Variants in GPRIN2 observed in about 807,000 individuals in gnomAD.
GPRIN2 encodes the protein G protein-regulated inducer of neurite outgrowth 2.
Under a neutral mutation model 0.3 loss-of-function variants are expected in GPRIN2, and 1 was observed. That is an observed-to-expected ratio of 3.90 (90% CI 1.39 to 18.51). The LOEUF is 18.51. Among genes scored for constraint, GPRIN2 ranks in the 30% most tolerant of loss-of-function variants. The pLI is 0.11. For synonymous variants in GPRIN2, 361 were observed against 258.6 expected (o/e 1.40, Z -3.80); for missense variants, 880 against 604.2 (o/e 1.46, Z -4.79).
Position 46,547,687 on chromosome 10 carries a change from A to C in GPRIN2, c.*1673T>G, listed in dbSNP as rs1842291095. Among the ~76,000 whole-genome samples the C allele has an allele frequency of 6.6e-6, 1 of 152,310 alleles. No homozygotes were observed. The highest frequency in any genetic ancestry group is 2.4e-5 in the African/African-American group (1 of 41,488). Reference sequence around the variant, plus strand: ...GGCCCTAACAGGCTGGGGTTCCTGGAGACTCCATGGGGAGCCAGGCATGAA... The same window carrying C: ...GGCCCTAACAGGCTGGGGTTCCTGGCGACTCCATGGGGAGCCAGGCATGAA... On this transcript the variant is annotated 3_prime_UTR_variant, in exon 3 of 3. Transcript: ENST00000374314.
rs1841864918 is a variant in GPRIN2 at position 46,542,894 on chromosome 10, G to C, written c.*6466C>G. On this transcript the variant is annotated 3_prime_UTR_variant, in exon 3 of 3. Coordinates refer to ENST00000374314, the MANE Select transcript of GPRIN2 (RefSeq NM_001385282.1). ...TGAGGAGATGGCCTGCCTAAAGCCA[G>C]CAGATGGGTGCCACCCACCTGATGT... 6.6e-6 allele frequency among the ~76,000 whole-genome samples: 1 copy of C among 152,308 alleles called. No individual in the cohort carries two copies. The highest frequency in any genetic ancestry group is 2.4e-5 in the African/African-American group (1 of 41,488).
rs1490973162 is a variant in GPRIN2 at position 46,550,302 on chromosome 10, G to A, written c.435C>T (p.Ala145=). ...GARKASLSCS[A]LGSSPVHRAQ... Reference sequence around the variant, plus strand: ...CCCTGTGGACAGGGCTGCTGCCAAGGGCTGAGCAGCTGAGACTGGCCTTCC... The same window carrying A: ...CCCTGTGGACAGGGCTGCTGCCAAGAGCTGAGCAGCTGAGACTGGCCTTCC... Residue 145 remains alanine, a synonymous_variant, in exon 3 of 3, where the codon GCC becomes GCT. Coordinates refer to ENST00000374314, the MANE Select transcript of GPRIN2 (RefSeq NM_001385282.1). 1.9e-6 allele frequency: 3 copies of A among 1,613,076 alleles called. No individual in the cohort carries two copies. Among genetic ancestry groups the A allele is most frequent in the Non-Finnish European group, 2.5e-6 (3 of 1,179,928 alleles).
At position 46,542,938 on chromosome 10, in the gene GPRIN2, C is replaced by A. The variant is rs1168748554; in HGVS notation, c.*6422G>T. ...CTGATGTACCTCTCTAGCAGCCTAGCCAGCCAGCCACCAACAAGGGCCACC... is the reference window on the plus strand; with the variant it reads ...CTGATGTACCTCTCTAGCAGCCTAGACAGCCAGCCACCAACAAGGGCCACC... On this transcript the variant is annotated 3_prime_UTR_variant, in exon 3 of 3. Coordinates refer to ENST00000374314, the MANE Select transcript of GPRIN2 (RefSeq NM_001385282.1). Among the ~76,000 whole-genome samples, 3 of 152,296 alleles carry A rather than the reference C, an allele frequency of 2.0e-5. No individual in the cohort carries two copies. Among genetic ancestry groups the A allele is most frequent in the Non-Finnish European group, 4.4e-5 (3 of 68,050 alleles).
rs1841878673 is a variant in GPRIN2, at chr10:46,543,099, C to T, written c.*6261G>A. On this transcript the variant is annotated 3_prime_UTR_variant, in exon 3 of 3. Transcript: ENST00000374314. The stretch of plus-strand genomic sequence containing the variant: ...GGCACAGCAACCCCAGGGAGACCTC[C>T]CTCTGTAAGGAGATGCTCAGATGTT... Among the ~76,000 whole-genome samples the T allele has an allele frequency of 6.6e-6, 1 of 152,312 alleles. No individual in the cohort carries two copies. Among genetic ancestry groups the T allele is most frequent in the African/African-American group, 2.4e-5 (1 of 41,488 alleles).
At position 46,542,537 on chromosome 10, in the gene GPRIN2, CG is replaced by C. The variant is rs1277116532; in HGVS notation, c.*6822del. Among the ~76,000 whole-genome samples the C allele has an allele frequency of 6.6e-6, 1 of 152,306 alleles. No homozygotes were observed. Among genetic ancestry groups the C allele is most frequent in the Non-Finnish European group, 1.5e-5 (1 of 68,054 alleles). On this transcript the variant is annotated 3_prime_UTR_variant, in exon 3 of 3. Transcript: ENST00000374314. ...TGAAGAAGGTGCCTTGCTTCTCCTTCGCTGTCTGCCATGATTGTAAGTTTCC... is the reference window on the plus strand; with the variant it reads ...TGAAGAAGGTGCCTTGCTTCTCCTTCCTGTCTGCCATGATTGTAAGTTTCC...
chr10:46,549,654 A>C lies in GPRIN2; in HGVS notation c.1083T>G (p.His361Gln). 6.2e-7 allele frequency: 1 copy of C among 1,614,244 alleles called. No homozygotes were observed. The highest frequency in any genetic ancestry group is 8.5e-7 in the Non-Finnish European group (1 of 1,180,018). The change falls in exon 3 of 3, where the codon CAT (histidine) becomes CAG (glutamine). Residue 361 changes from histidine to glutamine, a missense_variant. His to Gln is a conservative substitution (Grantham distance 24). Coordinates refer to ENST00000374314, the MANE Select transcript of GPRIN2 (RefSeq NM_001385282.1). The stretch of plus-strand genomic sequence containing the variant: ...ACCCCAGAGTTACCTCTGGGAACAC[A>C]TGCAGGGCTGCAGGCGCTTCCAGGG... Reference protein sequence around the residue: ...SPSLEAPAALHVFPEVTLGSS... With the variant: ...SPSLEAPAALQVFPEVTLGSS...
Position 46,549,164 on chromosome 10 carries a change from G to T in GPRIN2, c.*196C>A. Reference sequence around the variant, plus strand: ...CAGAGATGTGGCCCTTGGAAATCAAGCCCTTAAGAAAACAGCCCAGCTGTG... The same window carrying T: ...CAGAGATGTGGCCCTTGGAAATCAATCCCTTAAGAAAACAGCCCAGCTGTG... On this transcript the variant is annotated 3_prime_UTR_variant, in exon 3 of 3. Coordinates refer to ENST00000374314, the MANE Select transcript of GPRIN2 (RefSeq NM_001385282.1). 3.1e-6 allele frequency: 2 copies of T among 655,018 alleles called. No individual in the cohort carries two copies. The highest frequency in any genetic ancestry group is 4.8e-6 in the Non-Finnish European group (2 of 416,158). The allele number at this position is 655,018 out of a possible 1,614,324, so 40.6% of individuals were successfully genotyped here. A position where few individuals can be genotyped will look rare whatever the true frequency, so the allele number is the denominator to read the frequency against.
intron 2 of GPRIN2, among the ~76,000 whole-genome samples, chr10:46,552,758 T>C (rs1832098386): frequency 6.6e-5 from 10 of 152,426 alleles, no homozygotes; most frequent in African/African-American, 2.2e-4. Context: ...ACTGGCCACA[T>C]GAGGCTAATG....
rs1200648452 is a variant in GPRIN2, at chr10:46,547,341, A to G, written c.*2019T>C. Among the ~76,000 whole-genome samples the G allele has an allele frequency of 3.9e-5, 6 of 152,310 alleles. No individual in the cohort carries two copies. The highest frequency in any genetic ancestry group is 1.4e-4 in the African/African-American group (6 of 41,488). ...GCCAAATGGATATTTCTAAACTGAA[A>G]TCTGGTCCCACCTCAGAACCCCTTC... On this transcript the variant is annotated 3_prime_UTR_variant, in exon 3 of 3. Coordinates refer to ENST00000374314, the MANE Select transcript of GPRIN2 (RefSeq NM_001385282.1).
At position 46,547,635 on chromosome 10, in the gene GPRIN2, C is replaced by A. The variant is rs1241693868; in HGVS notation, c.*1725G>T. On this transcript the variant is annotated 3_prime_UTR_variant, in exon 3 of 3. Coordinates refer to ENST00000374314, the MANE Select transcript of GPRIN2 (RefSeq NM_001385282.1). ...TGTGTGAAAGGTCCCTCCCCATGCA[C>A]CCACAGCCATTTGTTCTCTCTCATG... is the stretch of plus-strand genomic sequence containing the variant. Among the ~76,000 whole-genome samples the A allele has an allele frequency of 7.2e-5, 11 of 152,424 alleles. No homozygotes were observed. The highest frequency in any genetic ancestry group is 2.4e-4 in the African/African-American group (10 of 41,608).
rs1177282134 is a variant in GPRIN2, at chr10:46,547,079, GC to G, written c.*2280del. On this transcript the variant is annotated 3_prime_UTR_variant, in exon 3 of 3. Transcript: ENST00000374314. ...TCCCAGCCAAACCCTGTGGCAGGTG[GC>G]CCTTTCTGCACCTGCTGAACATGCC... 2.6e-5 allele frequency among the ~76,000 whole-genome samples: 4 copies of G among 152,424 alleles called. No individual in the cohort carries two copies. Among genetic ancestry groups the G allele is most frequent in the Admixed American group, 6.5e-5 (1 of 15,314 alleles).
chr10:46,551,033 T>C (rs1842542980), intron 2 of GPRIN2, among the ~76,000 whole-genome samples: 1 of 152,306 alleles, frequency 6.6e-6, no homozygotes, highest in South Asian at 2.1e-4. Context: ...CTCTATCAGC[T>C]CTCAACTCTT....
chr10:46,549,562 TC>T lies in GPRIN2; in HGVS notation c.1174del (p.Glu392ArgfsTer80). On this transcript the variant is annotated frameshift_variant, in exon 3 of 3. Transcript: ENST00000374314. LOFTEE classifies it high-confidence loss of function. ...CAGGTCCACCGCAGCTCCGTACACCTCCCATGTCATGCCCTCAGCATCCCAT... is the reference window on the plus strand; with the variant it reads ...CAGGTCCACCGCAGCTCCGTACACCTCCATGTCATGCCCTCAGCATCCCAT... ...VRWDAEGMTW[E>X]VYGAAVDLEV... 1 of 1,614,138 alleles carries T rather than the reference TC, an allele frequency of 6.2e-7. No homozygotes were observed. The highest frequency in any genetic ancestry group is 8.5e-7 in the Non-Finnish European group (1 of 1,179,936).
Position 46,549,430 on chromosome 10 carries a change from G to T in GPRIN2, c.1307C>A (p.Pro436Gln). Residue 436 changes from proline to glutamine, a missense_variant, in exon 3 of 3, where the codon CCA becomes CAA. Physicochemically the swap from Pro to Gln is moderately conservative, Grantham distance 76. Transcript: ENST00000374314. ...CAGGGACTGCATGACAGCCCGCAGTGGCCCCCTCCGGCCCTCCACAGACAG... is the reference window on the plus strand; with the variant it reads ...CAGGGACTGCATGACAGCCCGCAGTTGCCCCCTCCGGCCCTCCACAGACAG... ...DSLSVEGRRG[P>Q]LRAVMQSLRR... 1 of 1,587,814 alleles carries T rather than the reference G, an allele frequency of 6.3e-7. No individual in the cohort carries two copies. The highest frequency in any genetic ancestry group is 8.6e-7 in the Non-Finnish European group (1 of 1,166,972).
upstream of GPRIN2, among the ~76,000 whole-genome samples, chr10:46,557,121 C>G (rs1256948839): frequency 6.6e-6 from 1 of 152,288 alleles, no homozygotes; most frequent in Non-Finnish European, 1.5e-5. Context: ...TCCATCCTAG[C>G]TCCGCCTCTC....
Position 46,543,736 on chromosome 10 carries a change from T to C in GPRIN2, c.*5624A>G, listed in dbSNP as rs1385554295. ...ATTCCCTCCCAATAAAGTAGGGCCA[T>C]GAAAGATGAATTTTAGGATATCCAC... On this transcript the variant is annotated 3_prime_UTR_variant, in exon 3 of 3. Coordinates refer to ENST00000374314, the MANE Select transcript of GPRIN2 (RefSeq NM_001385282.1). Among the ~76,000 whole-genome samples, 2 of 152,306 alleles carry C rather than the reference T, an allele frequency of 1.3e-5. No homozygotes were observed. Among genetic ancestry groups the C allele is most frequent in the Non-Finnish European group, 2.9e-5 (2 of 68,058 alleles).
At position 46,542,727 on chromosome 10, in the gene GPRIN2, C is replaced by T. The variant is rs12241698; in HGVS notation, c.*6633G>A. Among the ~76,000 whole-genome samples, 1 of 152,232 alleles carries T rather than the reference C, an allele frequency of 6.6e-6. No homozygotes were observed. The highest frequency in any genetic ancestry group is 1.5e-5 in the Non-Finnish European group (1 of 68,056). ...AAGACAGAAATCTCCTCCTCCAGTCCCTAGCCTTGGCTCTTGGACACGAAT... is the reference window on the plus strand; with the variant it reads ...AAGACAGAAATCTCCTCCTCCAGTCTCTAGCCTTGGCTCTTGGACACGAAT... On this transcript the variant is annotated 3_prime_UTR_variant, in exon 3 of 3. Coordinates refer to ENST00000374314, the MANE Select transcript of GPRIN2 (RefSeq NM_001385282.1).
At chr10:46,556,471 C>T (rs1177141415) in intron 1 of GPRIN2, among the ~76,000 whole-genome samples, 27 bp downstream of exon 1, 2 of 152,272 alleles carry the variant, frequency 1.3e-5, no homozygotes, top group Non-Finnish European at 2.9e-5. Context: ...CCCGCCCCAA[C>T]GGGAGCGCGC....
intron 1 of GPRIN2, among the ~76,000 whole-genome samples, chr10:46,556,091 G>A (rs1361328911): frequency 6.6e-6 from 1 of 152,312 alleles, no homozygotes; most frequent in Non-Finnish European, 1.5e-5. Flanking sequence ...AGGCAAATGG[G>A]GCTGTGGGCC....
Sources: gnomAD v4.1 joint callset for allele counts (sites outside exome capture counted in the v4.1 genomes callset) on GRCh38, gnomAD v4.1.1 for gene constraint, MANE v1.5 for transcripts, NCBI Gene and HGNC (gene_info 2026-07-23, HGNC 2026-07-21) for gene names.